FHIP1A: variants seen among roughly 807,000 people sequenced by gnomAD.
FHIP1A encodes the protein FHF complex subunit HOOK interacting protein 1A.
FHIP1A carries 61 observed loss-of-function variants against 88.6 expected under a neutral mutation model. That is an observed-to-expected ratio of 0.69 (90% CI 0.56 to 0.85). FHIP1A has a LOEUF of 0.85. Among genes scored for constraint, FHIP1A ranks in the 40% least tolerant of loss-of-function variants. The probability of loss-of-function intolerance (pLI) is 0.00; values close to 1 mark genes in which losing one functional copy is unlikely to be tolerated. For missense variants in FHIP1A, 1,154 were observed against 1,273.5 expected, an observed-to-expected ratio of 0.91 and a Z score of 1.43; for synonymous variants, 478 against 496.0, an observed-to-expected ratio of 0.96 and a Z score of 0.48.
intron 2 of FHIP1A, among the ~76,000 whole-genome samples, chr4:151,481,198 T>C (rs1293646254): frequency 2.6e-5 from 4 of 152,080 alleles, no homozygotes; most frequent in Non-Finnish European, 4.4e-5. Context: ...TGTGATCATA[T>C]GTAATTACAA....
chr4:151,588,833 C>G lies in FHIP1A; in HGVS notation c.892-7C>G, dbSNP rs1734316549. 4 of 1,538,784 alleles carry G rather than the reference C, an allele frequency of 2.6e-6. No homozygotes were observed. In the Middle Eastern group the frequency reaches 6.7e-4, roughly 258 times the overall value. On this transcript the variant is annotated splice_region_variant and splice_polypyrimidine_tract_variant and intron_variant, in intron 6 of 13. Coordinates refer to ENST00000435205, the MANE Select transcript of FHIP1A (RefSeq NM_001109977.3). ...GCCTTTTTCATGCCTATGTGCCTCTCTCTCAGGTGGCTCACCCCTTGATTC... is the reference window on the plus strand; with the variant it reads ...GCCTTTTTCATGCCTATGTGCCTCTGTCTCAGGTGGCTCACCCCTTGATTC...
At chr4:151,623,675 T>A (rs1735839106) in intron 7 of FHIP1A, among the ~76,000 whole-genome samples, 1 of 152,148 alleles carries the variant, frequency 6.6e-6, no homozygotes, top group African/African-American at 2.4e-5. Context: ...AAGATATTGA[T>A]TATCCCCATT....
intron 7 of FHIP1A, among the ~76,000 whole-genome samples, chr4:151,616,339 C>A (rs1735515874): frequency 6.6e-6 from 1 of 151,842 alleles, no homozygotes; most frequent in South Asian, 2.1e-4. Flanking sequence ...CTCCTGTGGG[C>A]AAACATTCCC....
chr4:151,658,261 C>T (rs980252309), intron 13 of FHIP1A, among the ~76,000 whole-genome samples: 1 of 152,184 alleles, frequency 6.6e-6, no homozygotes, highest in African/African-American at 2.4e-5. Context: ...GTATAATAAA[C>T]CACTGCAAAA....
At position 151,656,470 on chromosome 4, in the gene FHIP1A, A is replaced by G; in HGVS notation, c.2730+60A>G. The G allele has an allele frequency of 6.8e-7, 1 of 1,471,502 alleles. No individual in the cohort carries two copies. The highest frequency in any genetic ancestry group is 1.3e-5 in the South Asian group (1 of 79,780). The allele number at this position is 1,471,502 out of a possible 1,614,324, so 91.2% of individuals were successfully genotyped here. On this transcript the variant is annotated intron_variant, in intron 12 of 13. Transcript: ENST00000435205. This position sits in a 1 kb window ranked among gnomAD's most constrained non-coding sequence, Gnocchi z 4.2. ...TTTTGTGGGTGCTAATTTGCAGGGC[A>G]TCTATTTCTCTTTATTTTGTTTTTC... is the stretch of plus-strand genomic sequence containing the variant.
At chr4:151,448,645 C>T (rs1206321897) in intron 1 of FHIP1A, among the ~76,000 whole-genome samples, 1 of 152,170 alleles carries the variant, frequency 6.6e-6, no homozygotes, top group Non-Finnish European at 1.5e-5. Flanking sequence ...AATTTTCTTC[C>T]TTCTTGATGC....
chr4:151,464,230 G>T (rs764500815), intron 2 of FHIP1A, among the ~76,000 whole-genome samples: 14 of 152,160 alleles, frequency 9.2e-5, no homozygotes, highest in Non-Finnish European at 1.6e-4. Flanking sequence ...GCCAGTGATT[G>T]TTGTATTATA....
intron 3 of FHIP1A, among the ~76,000 whole-genome samples, chr4:151,497,794 C>G (rs1409591736): frequency 6.6e-6 from 1 of 152,248 alleles, no homozygotes; most frequent in Non-Finnish European, 1.5e-5. Context: ...TCTGAGCCCT[C>G]TTCTCGACTC....
At chr4:151,493,752 T>C (rs1730365257) in intron 3 of FHIP1A, among the ~76,000 whole-genome samples, 1 of 152,086 alleles carries the variant, frequency 6.6e-6, no homozygotes, top group African/African-American at 2.4e-5. Flanking sequence ...ATGCAGAAAA[T>C]GTATTTGACA....
intron 1 of FHIP1A, among the ~76,000 whole-genome samples, chr4:151,452,936 G>GTATATATATATATATATATATATATA (rs111734450): frequency 5.5e-5 from 8 of 146,194 alleles, no homozygotes; most frequent in African/African-American, 2.1e-4. Context: ...ACATTGAAAC[G>GTATATATATATATATATATATATATA]TATATATATA....
rs147622679 is a variant in FHIP1A, at chr4:151,469,088, C to T, written c.-247-13436C>T. Among the ~76,000 whole-genome samples, 302 of 152,228 alleles carry T rather than the reference C, an allele frequency of 2.0e-3. 1 individual carries two copies. Among genetic ancestry groups the T allele is most frequent in the African/African-American group, 6.8e-3 (282 of 41,536 alleles). ...ATGAGATTCTGAAAAGGCTCTATTG[C>T]CTTTTACCCTCTTCCCTCAAAAAAG... On this transcript the variant is annotated intron_variant, in intron 2 of 13. Transcript: ENST00000435205.
chr4:151,546,549 C>T (rs1732511362), intron 3 of FHIP1A, among the ~76,000 whole-genome samples: 1 of 152,202 alleles, frequency 6.6e-6, no homozygotes, highest in African/African-American at 2.4e-5. Flanking sequence ...TAGCAGTGAA[C>T]AAAATGTAGA....
intron 3 of FHIP1A, among the ~76,000 whole-genome samples, chr4:151,490,970 C>T (rs1730261064): frequency 6.6e-6 from 1 of 151,656 alleles, no homozygotes; most frequent in Non-Finnish European, 1.5e-5. Flanking sequence ...AAAAAATGAA[C>T]AAAGCCTCCA....
rs181098318 is a variant in FHIP1A, at chr4:151,409,471, T to C, written c.-356+6T>C. On this transcript the variant is annotated splice_donor_region_variant and intron_variant, in intron 1 of 13. Coordinates refer to ENST00000435205, the MANE Select transcript of FHIP1A (RefSeq NM_001109977.3). ...GGAGCCACGGCCGGGGACAGGTAGG[T>C]GCTGTGCTGGCCGGAGATTTGCGCT... The C allele has an allele frequency of 9.2e-3, 1,407 of 153,028 alleles. 18 individuals are homozygous for C. The highest frequency in any genetic ancestry group is 0.032 in the African/African-American group (1,313 of 41,536). The allele number at this position is 153,028 out of a possible 1,614,324, so 9.5% of individuals were successfully genotyped here.
intron 1 of FHIP1A, among the ~76,000 whole-genome samples, chr4:151,410,354 T>A (rs1732574591): frequency 6.6e-6 from 1 of 151,576 alleles, no homozygotes; most frequent in Admixed American, 6.6e-5. Flanking sequence ...GGAGGAGGAG[T>A]AAACAATGCC....
chr4:151,518,653 C>CCCTA (rs1731340198), intron 3 of FHIP1A, among the ~76,000 whole-genome samples: 1 of 113,334 alleles, frequency 8.8e-6, no homozygotes, highest in Non-Finnish European at 1.8e-5. Context: ...CTCCCTCCCT[C>CCCTA]CCTCCCTCCC....
intron 7 of FHIP1A, among the ~76,000 whole-genome samples, chr4:151,617,755 G>A (rs1192640641): frequency 6.6e-5 from 10 of 152,082 alleles, no homozygotes; most frequent in South Asian, 4.1e-4. Context: ...GCATGGTGGC[G>A]TGTGCCTGTA....
chr4:151,577,370 A>G, intron 4 of FHIP1A, 80 bp from the exon 5 acceptor site: 5 of 1,383,332 alleles, frequency 3.6e-6, no homozygotes, highest in Non-Finnish European at 4.8e-6. Flanking sequence ...TTTGGTGACA[A>G]TTTGGTAAAA....
chr4:151,466,144 A>G (rs1159598628), intron 2 of FHIP1A, among the ~76,000 whole-genome samples: 3 of 152,212 alleles, frequency 2.0e-5, no homozygotes, highest in Non-Finnish European at 4.4e-5. Context: ...TTCAGGATAC[A>G]AAATCATTAT....
Sources: gnomAD v4.1 joint callset for allele counts (sites outside exome capture counted in the v4.1 genomes callset) on GRCh38, gnomAD v4.1.1 for gene constraint, Gnocchi (gnomAD v3.1) non-coding constraint, MANE v1.5 for transcripts, NCBI Gene and HGNC (gene_info 2026-07-23, HGNC 2026-07-21) for gene names.